The following IFT88 variants were observed in gnomAD, a reference collection of about 807,000 sequenced individuals.
IFT88 encodes the protein intraflagellar transport protein 88 homolog.
In IFT88, 74 loss-of-function variants were observed where a neutral mutation model predicts 119.5. The ratio of observed to expected loss-of-function variants is 0.62; its 90% confidence interval spans 0.51 to 0.75. The LOEUF (loss-of-function observed/expected upper bound fraction) is 0.75. Among genes scored for constraint, IFT88 ranks in the 30% least tolerant of loss-of-function variants. The pLI is 0.00. For synonymous variants in IFT88, 279 were observed against 316.7 expected (o/e 0.88, Z 1.26); for missense variants, 961 against 977.7 (o/e 0.98, Z 0.23).
intron 14 of IFT88, among the ~76,000 whole-genome samples, chr13:20,623,132 G>A (rs1371670185): frequency 1.3e-5 from 2 of 152,144 alleles, no homozygotes; most frequent in Non-Finnish European, 2.9e-5. Context: ...TATATGTGGT[G>A]GTTTGTTTTC....
chr13:20,622,885 C>T (rs552169572), intron 14 of IFT88, among the ~76,000 whole-genome samples: 1 of 152,250 alleles, frequency 6.6e-6, no homozygotes, highest in Admixed American at 6.5e-5. Context: ...GTGTCACATC[C>T]AATAAATTGT....
chr13:20,590,328 T>C (rs2040444004), intron 4 of IFT88, among the ~76,000 whole-genome samples: 1 of 152,174 alleles, frequency 6.6e-6, no homozygotes, highest in African/African-American at 2.4e-5. Flanking sequence ...ATAAAAGTTA[T>C]AAACTTTTTA....
At chr13:20,634,169 A>C (rs183227479) in intron 16 of IFT88, among the ~76,000 whole-genome samples, 1 of 152,328 alleles carries the variant, frequency 6.6e-6, no homozygotes, top group East Asian at 1.9e-4. Context: ...GGTGAGTATT[A>C]GGTTCTTGTG....
intron 21 of IFT88, 51 bp from the exon 22 acceptor site, chr13:20,656,314 C>A: frequency 1.3e-6 from 1 of 769,180 alleles, no homozygotes; most frequent in South Asian, 2.2e-5. Flanking sequence ...TTTTCTGAAT[C>A]CTGTTAGTTT....
chr13:20,611,804 C>T (rs535137725), intron 13 of IFT88, among the ~76,000 whole-genome samples: 1 of 152,190 alleles, frequency 6.6e-6, no homozygotes, highest in East Asian at 2.0e-4. Context: ...TAAGGTTTCA[C>T]CGTGTTGGCC....
At chr13:20,667,636 G>T (rs2054951638) in intron 23 of IFT88, among the ~76,000 whole-genome samples, 1 of 147,142 alleles carries the variant, frequency 6.8e-6, no homozygotes, top group African/African-American at 2.5e-5. Flanking sequence ...TAGAGGCAGG[G>T]TTTCACCATG....
intron 11 of IFT88, among the ~76,000 whole-genome samples, chr13:20,600,792 C>A (rs116121765): frequency 0.013 from 1,992 of 152,202 alleles, 43 homozygotes; most frequent in African/African-American, 0.046. Context: ...AAATATAGAT[C>A]GTCACAAAGG....
intron 20 of IFT88, among the ~76,000 whole-genome samples, chr13:20,652,856 G>T (rs1254188975): frequency 6.6e-6 from 1 of 152,170 alleles, no homozygotes; most frequent in Non-Finnish European, 1.5e-5. Flanking sequence ...GTTGGAATGC[G>T]CCTCTAAGCA....
intron 24 of IFT88, among the ~76,000 whole-genome samples, chr13:20,677,687 G>A (rs2056847571): frequency 6.6e-6 from 1 of 152,130 alleles, no homozygotes; most frequent in Admixed American, 6.5e-5. Flanking sequence ...TCATACTTAA[G>A]GAGTGAGAAT....
intron 2 of IFT88, 152 bp from the exon 3 acceptor site, chr13:20,582,805 G>A (rs896265879): frequency 1.4e-5 from 8 of 580,368 alleles, no homozygotes; most frequent in Non-Finnish European, 2.5e-5. Context: ...TGGGTAGTGT[G>A]AAGTGGGGAG....
At chr13:20,607,896 A>C (rs1443652184) in intron 13 of IFT88, 1 of 696,790 alleles carries the variant, frequency 1.4e-6, no homozygotes, top group Non-Finnish European at 2.7e-6. Context: ...TCCTGGGCAT[A>C]ATGACTGCCA....
chr13:20,580,017 C>T (rs968681145), intron 2 of IFT88, among the ~76,000 whole-genome samples: 5 of 152,174 alleles, frequency 3.3e-5, no homozygotes, highest in Non-Finnish European at 7.3e-5. Flanking sequence ...GAAATAACTA[C>T]TGTCAACATT....
intron 20 of IFT88, among the ~76,000 whole-genome samples, chr13:20,653,218 G>A (rs143935494): frequency 1.2e-4 from 18 of 152,306 alleles, no homozygotes; most frequent in African/African-American, 3.8e-4. Flanking sequence ...CAGTAGGTAG[G>A]TTTGCCATCA....
At chr13:20,608,479 G>A (rs938808970) in intron 13 of IFT88, among the ~76,000 whole-genome samples, 2 of 152,144 alleles carry the variant, frequency 1.3e-5, no homozygotes, top group Non-Finnish European at 2.9e-5. Context: ...TTCCCCAAAC[G>A]GTGTATCTCA....
intron 13 of IFT88, among the ~76,000 whole-genome samples, chr13:20,609,139 T>TTATG (rs890711136): frequency 6.6e-5 from 10 of 152,316 alleles, no homozygotes; most frequent in African/African-American, 2.4e-4. Context: ...TAGGACTGGC[T>TTATG]TATGGGTCAA....
rs1268935030 is a variant in IFT88 at position 20,671,053 on chromosome 13, C to T, written c.2242+14C>T. 1 of 1,610,928 alleles carries T rather than the reference C, an allele frequency of 6.2e-7. No homozygotes were observed. Among genetic ancestry groups the T allele is most frequent in the African/African-American group, 1.3e-5 (1 of 74,888 alleles). On this transcript the variant is annotated intron_variant, in intron 24 of 25. Coordinates refer to ENST00000351808, the MANE Select transcript of IFT88 (RefSeq NM_006531.5). Reference sequence around the variant, plus strand: ...GTGCTAGCGGTGGTAAGTATTTTCTCTTTCCCTGAAAAACTTGGTTTCCAC... The same window carrying T: ...GTGCTAGCGGTGGTAAGTATTTTCTTTTTCCCTGAAAAACTTGGTTTCCAC...
In IFT88 at chr13:20,676,650, C is replaced by G. The variant is rs373952966; in HGVS notation, c.2242+5611C>G. Among the ~76,000 whole-genome samples the G allele has an allele frequency of 3.3e-5, 5 of 152,264 alleles. No individual in the cohort carries two copies. The East Asian group carries it at 7.7e-4, about 23-fold the overall frequency. ...ATTTTGTTTTTTTAAACAAGAATTACTAGTGCTTATAAATAAAAATAAATG... is the reference window on the plus strand; with the variant it reads ...ATTTTGTTTTTTTAAACAAGAATTAGTAGTGCTTATAAATAAAAATAAATG... On this transcript the variant is annotated intron_variant, in intron 24 of 25. Transcript: ENST00000351808.
chr13:20,581,558 A>T (rs116136425), intron 2 of IFT88, among the ~76,000 whole-genome samples: 1 of 152,306 alleles, frequency 6.6e-6, no homozygotes, highest in Non-Finnish European at 1.5e-5. Context: ...TGTAGTTGAT[A>T]TGGAAGGTTA....
intron 15 of IFT88, among the ~76,000 whole-genome samples, chr13:20,626,283 A>G (rs1232736115): frequency 6.6e-6 from 1 of 151,806 alleles, no homozygotes; most frequent in African/African-American, 2.4e-5. Context: ...GATGGTCTCG[A>G]TCTCCTGACC....
Sources: allele counts gnomAD v4.1 joint callset (sites outside exome capture counted in the v4.1 genomes callset), GRCh38; gene constraint gnomAD v4.1.1; transcripts MANE v1.5; gene names NCBI Gene and HGNC (gene_info 2026-07-23, HGNC 2026-07-21).